Variants in SEM1 observed in about 807,000 individuals in gnomAD.
The protein encoded by SEM1 is SEM1 26S proteasome subunit.
A neutral mutation model predicts 12.7 loss-of-function variants in SEM1; 3 were observed. The ratio of observed to expected loss-of-function variants is 0.24; its 90% CI spans 0.11 to 0.61. The LOEUF (loss-of-function observed/expected upper bound fraction) is 0.61. SEM1 is among the 20% of genes least tolerant of loss of function. The pLI is 0.88. For missense variants in SEM1, 59 were observed against 81.3 expected, an observed-to-expected ratio of 0.73 and a Z score of 1.06; for synonymous variants, 30 against 27.8, an observed-to-expected ratio of 1.08 and a Z score of -0.25.
chr7:96,545,203 G>T (rs377380831), intron 2 of SEM1, among the ~76,000 whole-genome samples: 1 of 151,886 alleles, frequency 6.6e-6, no homozygotes, highest in Non-Finnish European at 1.5e-5. Flanking sequence ...TGACTCCCAG[G>T]TCCTGGGGTT....
intron 2 of SEM1, among the ~76,000 whole-genome samples, chr7:96,681,848 G>C (rs1421292921): frequency 1.3e-5 from 2 of 152,106 alleles, no homozygotes; most frequent in African/African-American, 2.4e-5. Context: ...TTTTTGCTTA[G>C]GATTGTCTTG....
chr7:96,553,461 C>T (rs1031245164), intron 2 of SEM1, among the ~76,000 whole-genome samples: 1 of 149,438 alleles, frequency 6.7e-6, no homozygotes, highest in Non-Finnish European at 1.5e-5. Flanking sequence ...AATCCTTTCC[C>T]CATTGCTTGT....
At chr7:96,689,664 T>C (rs1287177934) in intron 2 of SEM1, among the ~76,000 whole-genome samples, 1 of 152,248 alleles carries the variant, frequency 6.6e-6, no homozygotes, top group African/African-American at 2.4e-5. Flanking sequence ...TAATGTATAG[T>C]ATTTAGCATT....
chr7:96,584,968 C>T (rs546126603), intron 2 of SEM1, among the ~76,000 whole-genome samples: 11 of 151,550 alleles, frequency 7.3e-5, no homozygotes, highest in East Asian at 5.8e-4. Flanking sequence ...TCTCTCAGCT[C>T]GTCAAAGTCA....
intron 2 of SEM1, among the ~76,000 whole-genome samples, chr7:96,507,661 T>A (rs1398196281): frequency 3.9e-5 from 6 of 152,254 alleles, no homozygotes; most frequent in Non-Finnish European, 5.9e-5. Context: ...TGGATTTACC[T>A]TCTTCATTCC....
At chr7:96,615,279 C>T (rs1340203745) in intron 2 of SEM1, among the ~76,000 whole-genome samples, 1 of 113,390 alleles carries the variant, frequency 8.8e-6, no homozygotes, top group Non-Finnish European at 1.6e-5. Flanking sequence ...GACAGAGTCT[C>T]GCTCTATTCC....
At chr7:96,668,007 G>C (rs146711499) in intron 2 of SEM1, among the ~76,000 whole-genome samples, 196 of 152,244 alleles carry the variant, frequency 1.3e-3, no homozygotes, top group African/African-American at 4.5e-3. Flanking sequence ...TATACAACCA[G>C]TGACAGACCT....
At chr7:96,668,521 G>T (rs938428195), downstream of SEM1, among the ~76,000 whole-genome samples, 1 of 152,096 alleles carries the variant, frequency 6.6e-6, no homozygotes, top group African/African-American at 2.4e-5. Flanking sequence ...TTCTAAAAAG[G>T]ACTCAATGAA....
intron 2 of SEM1, among the ~76,000 whole-genome samples, chr7:96,569,107 C>A (rs1438926417): frequency 1.3e-5 from 2 of 151,686 alleles, no homozygotes; most frequent in Non-Finnish European, 2.9e-5. Flanking sequence ...AAGATGCGAC[C>A]CCGTTGTTGA....
intron 2 of SEM1, among the ~76,000 whole-genome samples, chr7:96,575,333 C>CT (rs1806169709): frequency 6.6e-6 from 1 of 152,222 alleles, no homozygotes; most frequent in African/African-American, 2.4e-5. Context: ...GTTCCTTCCT[C>CT]TGGAGGCTTT....
intron 1 of SEM1, among the ~76,000 whole-genome samples, chr7:96,495,162 T>G (rs1418355208): frequency 6.6e-6 from 1 of 152,026 alleles, no homozygotes; most frequent in Non-Finnish European, 1.5e-5. Flanking sequence ...TAAGATTAAT[T>G]AAAGACAACC....
intron 2 of SEM1, among the ~76,000 whole-genome samples, chr7:96,634,456 G>A (rs1366764565): frequency 4.0e-5 from 6 of 151,636 alleles, no homozygotes; most frequent in African/African-American, 4.8e-5. Flanking sequence ...AATGCTCTAA[G>A]CACTATTCTA....
chr7:96,495,146 G>A (rs1445324353), intron 1 of SEM1, among the ~76,000 whole-genome samples: 1 of 152,128 alleles, frequency 6.6e-6, no homozygotes, highest in Non-Finnish European at 1.5e-5. Flanking sequence ...GAAATATTGT[G>A]AAATATAAGA....
intron 2 of SEM1, among the ~76,000 whole-genome samples, chr7:96,583,842 C>T (rs1261375992): frequency 1.3e-5 from 2 of 150,452 alleles, no homozygotes; most frequent in African/African-American, 4.9e-5. Context: ...TTCCTCCATC[C>T]TTTTATTTTG....
chr7:96,677,119 G>A (rs1405201652), intron 2 of SEM1, among the ~76,000 whole-genome samples: 2 of 152,188 alleles, frequency 1.3e-5, no homozygotes, highest in Non-Finnish European at 2.9e-5. Flanking sequence ...GCACTCAGCA[G>A]AGGGCCAGCA....
chr7:96,647,196 A>C, intron 2 of SEM1, among the ~76,000 whole-genome samples: 1 of 152,312 alleles, frequency 6.6e-6, no homozygotes. Flanking sequence ...ATAGCACTGC[A>C]TGCTCTCTTT....
intron 2 of SEM1, among the ~76,000 whole-genome samples, chr7:96,592,891 A>G (rs1806871641): frequency 6.6e-6 from 1 of 151,474 alleles, no homozygotes; most frequent in Admixed American, 6.6e-5. Context: ...GAAGGAACGG[A>G]GAAAGTTTAG....
At chr7:96,644,876 G>T (rs1808733518) in intron 2 of SEM1, among the ~76,000 whole-genome samples, 1 of 152,138 alleles carries the variant, frequency 6.6e-6, no homozygotes, top group South Asian at 2.1e-4. Flanking sequence ...CAAGTAGAGT[G>T]ACAGGTGCAT....
At chr7:96,546,923 C>T (rs999376302) in intron 2 of SEM1, among the ~76,000 whole-genome samples, 1 of 152,066 alleles carries the variant, frequency 6.6e-6, no homozygotes, top group East Asian at 1.9e-4. Flanking sequence ...ACCTACCCAT[C>T]ATGATGGAAA....
Sources: allele counts gnomAD v4.1 joint callset (sites outside exome capture counted in the v4.1 genomes callset), GRCh38; gene constraint gnomAD v4.1.1; transcripts MANE v1.5; gene names NCBI Gene and HGNC (gene_info 2026-07-23, HGNC 2026-07-21).